Variants in VPS13B observed in about 807,000 individuals in gnomAD.
VPS13B encodes the protein intermembrane lipid transfer protein VPS13B.
VPS13B carries 285 observed loss-of-function variants against 426.4 expected under a neutral mutation model. That is an observed-to-expected ratio of 0.67 (90% CI 0.61 to 0.74). The LOEUF (loss-of-function observed/expected upper bound fraction) is 0.74, where lower values mean the gene tolerates loss of function less well. Ranked by LOEUF, VPS13B falls within the 30% of genes least tolerant of loss-of-function variation. VPS13B has a pLI of 0.00. For missense variants in VPS13B, 4,537 were observed against 4,782.6 expected, an observed-to-expected ratio of 0.95 and a Z score of 1.51; for synonymous variants, 1,676 against 1,676.4, an observed-to-expected ratio of 1.00 and a Z score of 0.01.
At chr8:99,793,202 G>A (rs578071552) in intron 43 of VPS13B, among the ~76,000 whole-genome samples, 37 of 140,482 alleles carry the variant, frequency 2.6e-4, no homozygotes, top group Admixed American at 1.2e-3. Flanking sequence ...AGACCCTGTC[G>A]CCAAAAAATT....
Position 99,275,131 on chromosome 8 carries a change from A to G in VPS13B, c.2701A>G (p.Thr901Ala), listed in dbSNP as rs926515680. The G allele has an allele frequency of 1.9e-6, 3 of 1,612,110 alleles. No homozygotes were observed. The highest frequency in any genetic ancestry group is 2.5e-6 in the Non-Finnish European group (3 of 1,179,068). ...TCCCTTGCTTCAGGGTCCTTCTGACACTAAAGACCTTCATAGCACCAAGTG... is the reference window on the plus strand; with the variant it reads ...TCCCTTGCTTCAGGGTCCTTCTGACGCTAAAGACCTTCATAGCACCAAGTG... ...LIPLLQGPSD[T>A]KDLHSTKWLN... Residue 901 changes from threonine (T) to alanine (A), a missense_variant, in exon 19 of 62, where the codon ACT becomes GCT. Physicochemically the swap from Thr to Ala is moderately conservative, Grantham distance 58. Around this residue, in one of 2 missense-constraint regions of VPS13B, gnomAD observed 4,311 missense variants for 4,474.3 expected, o/e 0.96. Coordinates refer to ENST00000357162, the MANE Select transcript of VPS13B (RefSeq NM_152564.5).
At chr8:99,359,264 CAG>C (rs1271735393) in intron 19 of VPS13B, among the ~76,000 whole-genome samples, 1 of 152,012 alleles carries the variant, frequency 6.6e-6, no homozygotes, top group Non-Finnish European at 1.5e-5. Context: ...TTTTTTATAA[CAG>C]AGTATTTTCT....
At chr8:99,137,975 C>G (rs998595326) in intron 12 of VPS13B, among the ~76,000 whole-genome samples, 5 of 152,076 alleles carry the variant, frequency 3.3e-5, no homozygotes. Context: ...GAAAATCGTA[C>G]TATCCTCTTC....
At chr8:99,164,928 C>A (rs1397544400) in intron 15 of VPS13B, among the ~76,000 whole-genome samples, 1 of 152,152 alleles carries the variant, frequency 6.6e-6, no homozygotes, top group Non-Finnish European at 1.5e-5. Context: ...CTGCTGTTCT[C>A]CCCTCTCCTT....
intron 35 of VPS13B, among the ~76,000 whole-genome samples, chr8:99,674,742 T>A (rs563236745): frequency 6.6e-6 from 1 of 152,188 alleles, no homozygotes; most frequent in East Asian, 1.9e-4. Flanking sequence ...TGTATCTGCA[T>A]GGTTATCATG....
chr8:99,677,593 G>T (rs113432512), intron 35 of VPS13B, among the ~76,000 whole-genome samples: 222 of 152,256 alleles, frequency 1.5e-3, no homozygotes, highest in African/African-American at 5.0e-3. Context: ...AGCTGAAAAT[G>T]GTGCCCTCAA....
chr8:99,475,329 C>T (rs901505813), intron 24 of VPS13B, among the ~76,000 whole-genome samples: 1 of 152,098 alleles, frequency 6.6e-6, no homozygotes, highest in Non-Finnish European at 1.5e-5. Context: ...AGCTCAGTCT[C>T]TCTCTAAAGC....
At chr8:99,451,240 C>T (rs749123169) in intron 23 of VPS13B, among the ~76,000 whole-genome samples, 1 of 152,178 alleles carries the variant, frequency 6.6e-6, no homozygotes. Context: ...AAAACCTAGG[C>T]TGATACTTCC....
intron 2 of VPS13B, among the ~76,000 whole-genome samples, chr8:99,035,891 C>T (rs1045674678): frequency 6.6e-6 from 1 of 151,892 alleles, no homozygotes; most frequent in Non-Finnish European, 1.5e-5. Flanking sequence ...TTTGTATTTC[C>T]CTAATGAGTA....
intron 51 of VPS13B, 137 bp from the exon 52 acceptor site, chr8:99,832,232 C>G: frequency 1.6e-6 from 2 of 1,267,396 alleles, no homozygotes; most frequent in South Asian, 3.2e-5. Context: ...ACTGCACTCC[C>G]GCCTGCGTGA....
In VPS13B at chr8:99,568,708, G is replaced by C. The variant is rs1241123367; in HGVS notation, c.4950-6950G>C. The stretch of plus-strand genomic sequence containing the variant: ...TATGTAACACATAGTTTTCCAGGTA[G>C]CAGATTGTTTATAATAAATGTTTGG... On this transcript the variant is annotated intron_variant, in intron 31 of 61. Transcript: ENST00000357162. Among the ~76,000 whole-genome samples, 3 of 152,032 alleles carry C rather than the reference G, an allele frequency of 2.0e-5. No individual in the cohort carries two copies. The East Asian group carries it at 5.8e-4, about 29-fold the overall frequency.
intron 34 of VPS13B, among the ~76,000 whole-genome samples, chr8:99,650,787 T>C (rs978198128): frequency 3.3e-5 from 5 of 152,214 alleles, no homozygotes; most frequent in African/African-American, 1.2e-4. Context: ...GGGCAGGGGA[T>C]TACTGTATAA....
chr8:99,055,549 T>A (rs888650089), intron 3 of VPS13B, among the ~76,000 whole-genome samples: 1 of 152,178 alleles, frequency 6.6e-6, no homozygotes, highest in Non-Finnish European at 1.5e-5. Context: ...ATTTAAGTAA[T>A]CTTTAATTGT....
chr8:99,503,061 G>T (rs969893480), intron 27 of VPS13B, 111 bp downstream of exon 27: 59 of 747,708 alleles, frequency 7.9e-5, no homozygotes, highest in Non-Finnish European at 2.7e-5. Flanking sequence ...TACTATACAG[G>T]CATACCTCGG....
At chr8:99,164,706 G>A (rs1030629722) in intron 15 of VPS13B, among the ~76,000 whole-genome samples, 5 of 150,844 alleles carry the variant, frequency 3.3e-5, no homozygotes, top group South Asian at 2.1e-4. Context: ...TTCTCTCTTC[G>A]ACTTCTTCTT....
chr8:99,180,103 T>C (rs937923181), intron 16 of VPS13B, among the ~76,000 whole-genome samples: 1 of 152,214 alleles, frequency 6.6e-6, no homozygotes, highest in Non-Finnish European at 1.5e-5. Flanking sequence ...GTTACATTCT[T>C]ATTTTAAGTA....
chr8:99,575,161 G>T (rs925953197), intron 31 of VPS13B, among the ~76,000 whole-genome samples: 1 of 151,560 alleles, frequency 6.6e-6, no homozygotes, highest in Non-Finnish European at 1.5e-5. Context: ...GCAAGACCTT[G>T]TCTTAAAAAA....
intron 36 of VPS13B, among the ~76,000 whole-genome samples, chr8:99,710,835 C>CAA (rs532543246): frequency 0.077 from 6,660 of 86,270 alleles, 234 homozygotes; most frequent in African/African-American, 0.13. Flanking sequence ...ACTAAAAATG[C>CAA]AAAAAAAAAA....
At chr8:99,536,560 C>T in intron 30 of VPS13B, 1 of 488,812 alleles carries the variant, frequency 2.0e-6, no homozygotes, top group South Asian at 1.5e-5. Flanking sequence ...ATTTGTACAA[C>T]ATAGAGTGCA....
Sources: gnomAD v4.1 joint callset for allele counts (sites outside exome capture counted in the v4.1 genomes callset) on GRCh38, gnomAD v4.1.1 for gene constraint, gnomAD v4.1.1 regional missense constraint, MANE v1.5 for transcripts, NCBI Gene and HGNC (gene_info 2026-07-23, HGNC 2026-07-21) for gene names.